Variants in DPP10 observed in about 807,000 individuals in gnomAD.
DPP10 encodes inactive dipeptidyl peptidase 10.
DPP10 carries 33 observed loss-of-function variants against 120.9 expected under a neutral mutation model. The observed-to-expected ratio is 0.27, with a 90% CI of 0.21 to 0.37. DPP10 has a LOEUF of 0.37. Ranked by LOEUF, DPP10 falls within the 10% of genes least tolerant of loss-of-function variation. The pLI is 1.00. For missense variants in DPP10, 816 were observed against 942.8 expected (o/e 0.87, Z 1.76); for synonymous variants, 337 against 326.1 (o/e 1.03, Z -0.36).
chr2:115,561,087 G>A (rs887663653), intron 5 of DPP10, among the ~76,000 whole-genome samples: 6 of 152,052 alleles, frequency 3.9e-5, no homozygotes, highest in Non-Finnish European at 7.4e-5. Flanking sequence ...AGTGGCTCAC[G>A]CCTGTAATCC....
At chr2:114,986,202 A>AT in intron 1 of DPP10, among the ~76,000 whole-genome samples, 1 of 152,282 alleles carries the variant, frequency 6.6e-6, no homozygotes, top group East Asian at 1.9e-4. Flanking sequence ...TGCCATATTT[A>AT]TTTTTTTGCC....
At chr2:115,031,958 T>C (rs974119312) in intron 1 of DPP10, among the ~76,000 whole-genome samples, 5 of 152,288 alleles carry the variant, frequency 3.3e-5, no homozygotes, top group East Asian at 1.9e-4. Flanking sequence ...CTATTTTCAA[T>C]GTTTACTATG....
At chr2:115,213,553 A>G (rs967477809) in intron 1 of DPP10, among the ~76,000 whole-genome samples, 1 of 151,812 alleles carries the variant, frequency 6.6e-6, no homozygotes, top group African/African-American at 2.4e-5. Flanking sequence ...TTTTCTATTT[A>G]TTTGTTCCTC....
At chr2:115,570,376 G>A (rs115550648) in intron 5 of DPP10, among the ~76,000 whole-genome samples, 1,914 of 152,252 alleles carry the variant, frequency 0.013, 24 homozygotes, top group South Asian at 0.057. Context: ...AGTTTTAATG[G>A]CACACTTGTA....
At chr2:114,930,800 A>G (rs1270528395) in intron 1 of DPP10, among the ~76,000 whole-genome samples, 1 of 152,126 alleles carries the variant, frequency 6.6e-6, no homozygotes, top group African/African-American at 2.4e-5. Flanking sequence ...GTTTGCGGAG[A>G]TCACATGGTG....
At chr2:115,123,138 A>G (rs549442467) in intron 1 of DPP10, among the ~76,000 whole-genome samples, 8 of 152,280 alleles carry the variant, frequency 5.3e-5, no homozygotes, top group African/African-American at 1.9e-4. Context: ...TCCTTGGAGG[A>G]AAGAATTTAG....
intron 1 of DPP10, among the ~76,000 whole-genome samples, chr2:114,653,027 A>AGAGTGTGT (rs1553476958): frequency 8.1e-5 from 11 of 135,846 alleles, no homozygotes; most frequent in African/African-American, 2.8e-4. Context: ...AGAGAGAGAG[A>AGAGTGTGT]GTGTGTGTGT....
intron 1 of DPP10, among the ~76,000 whole-genome samples, chr2:114,468,797 G>A (rs1234904602): frequency 1.3e-5 from 2 of 152,240 alleles, no homozygotes; most frequent in Admixed American, 1.3e-4. Context: ...TTTAAAGGGG[G>A]CTTCTGAATA....
intron 3 of DPP10, among the ~76,000 whole-genome samples, chr2:115,425,504 G>A (rs938301215): frequency 2.0e-5 from 3 of 152,000 alleles, no homozygotes; most frequent in East Asian, 1.9e-4. Context: ...ATTCTCAGAG[G>A]TATATTCATA....
chr2:115,395,601 G>A (rs891510204), intron 3 of DPP10, among the ~76,000 whole-genome samples: 6 of 152,138 alleles, frequency 3.9e-5, no homozygotes, highest in African/African-American at 1.4e-4. Flanking sequence ...TCTTTCTCCA[G>A]TGAAGACCTA....
chr2:114,625,122 T>C (rs2105347883), intron 1 of DPP10, among the ~76,000 whole-genome samples: 1 of 152,130 alleles, frequency 6.6e-6, no homozygotes, highest in South Asian at 2.1e-4. Context: ...AAGATTCATA[T>C]GGTAGTTGGC....
intron 3 of DPP10, among the ~76,000 whole-genome samples, chr2:115,441,561 G>C (rs2072046558): frequency 6.6e-6 from 1 of 152,088 alleles, no homozygotes; most frequent in Non-Finnish European, 1.5e-5. Flanking sequence ...ATGCCCTATG[G>C]TTATGTTTGA....
intron 1 of DPP10, among the ~76,000 whole-genome samples, chr2:115,055,182 A>G (rs1705805110): frequency 6.6e-6 from 1 of 152,206 alleles, no homozygotes; most frequent in Admixed American, 6.5e-5. Context: ...CTCTTATTAA[A>G]GAAAGATGAC....
At chr2:115,735,672 C>G (rs1037938177) in intron 8 of DPP10, among the ~76,000 whole-genome samples, 2 of 149,516 alleles carry the variant, frequency 1.3e-5, no homozygotes, top group African/African-American at 4.9e-5. Flanking sequence ...AGGTGCCCAC[C>G]ACGCCCAGCT....
intron 1 of DPP10, among the ~76,000 whole-genome samples, chr2:114,843,260 A>G (rs982969250): frequency 6.6e-6 from 1 of 152,098 alleles, no homozygotes; most frequent in Non-Finnish European, 1.5e-5. Flanking sequence ...CTGGAGGAAC[A>G]AAGTTCATAG....
At chr2:114,969,622 G>C (rs1382788145) in intron 1 of DPP10, among the ~76,000 whole-genome samples, 2 of 152,132 alleles carry the variant, frequency 1.3e-5, no homozygotes, top group Admixed American at 1.3e-4. Flanking sequence ...GCACATGCTA[G>C]ACTGCCCTTT....
At chr2:115,390,150 T>G in intron 3 of DPP10, among the ~76,000 whole-genome samples, 1 of 152,204 alleles carries the variant, frequency 6.6e-6, no homozygotes, top group Non-Finnish European at 1.5e-5. Flanking sequence ...CAAGTATTAT[T>G]TGTTGTAACT....
intron 1 of DPP10, among the ~76,000 whole-genome samples, chr2:114,809,294 G>A (rs1165312605): frequency 6.6e-6 from 1 of 152,100 alleles, no homozygotes; most frequent in African/African-American, 2.4e-5. Flanking sequence ...CTGTAAGAAG[G>A]CCATTTAGAT....
intron 1 of DPP10, among the ~76,000 whole-genome samples, chr2:115,139,724 TAAAAAA>T (rs55826687): frequency 3.5e-5 from 2 of 56,618 alleles, no homozygotes; most frequent in Admixed American, 2.6e-4. Context: ...GTAAAAATAC[TAAAAAA>T]AAAAAAAAAA....
Sources: gnomAD v4.1 joint callset for allele counts (sites outside exome capture counted in the v4.1 genomes callset) on GRCh38, gnomAD v4.1.1 for gene constraint, MANE v1.5 for transcripts, NCBI Gene and HGNC (gene_info 2026-07-23, HGNC 2026-07-21) for gene names.